The following SPATA17 variants were observed in gnomAD, a reference collection of about 807,000 sequenced individuals.
SPATA17 encodes spermatogenesis-associated protein 17.
SPATA17 carries 53 observed loss-of-function variants against 62.2 expected under a neutral mutation model. The ratio of observed to expected loss-of-function variants is 0.85; its 90% confidence interval spans 0.68 to 1.07. The LOEUF (loss-of-function observed/expected upper bound fraction) is 1.07, where lower values mean the gene tolerates loss of function less well. SPATA17 is among the 50% of genes least tolerant of loss of function. SPATA17 has a pLI of 0.00. For synonymous variants in SPATA17, 146 were observed against 146.8 expected (o/e 0.99, Z 0.04); for missense variants, 466 against 425.5 (o/e 1.10, Z -0.84).
In SPATA17 at chr1:217,803,650, A is replaced by G. The variant is rs910505109; in HGVS notation, c.1005+1800A>G. 2.6e-5 allele frequency among the ~76,000 whole-genome samples: 4 copies of G among 152,236 alleles called. No individual in the cohort carries two copies. In the South Asian group the frequency reaches 6.2e-4, roughly 24 times the overall value. ...AAAATTTAATATTGTTAAAATGTCC[A>G]TATAAACAAAGTGATCAACTGAGTC... On this transcript the variant is annotated intron_variant, in intron 9 of 10. Transcript: ENST00000366933.
At chr1:217,826,429 C>G (rs1305700951) in intron 9 of SPATA17, among the ~76,000 whole-genome samples, 1 of 152,004 alleles carries the variant, frequency 6.6e-6, no homozygotes, top group Non-Finnish European at 1.5e-5. Context: ...TGTAAAGATT[C>G]TTGAACATTT....
chr1:217,798,082 T>G (rs1159363157), intron 8 of SPATA17, among the ~76,000 whole-genome samples: 1 of 152,160 alleles, frequency 6.6e-6, no homozygotes, highest in Non-Finnish European at 1.5e-5. Flanking sequence ...GTGCTAAAAT[T>G]TTGCTATAAG....
At chr1:217,714,488 CTTT>C (rs750665329) in intron 5 of SPATA17, among the ~76,000 whole-genome samples, 3 of 121,416 alleles carry the variant, frequency 2.5e-5, no homozygotes, top group Non-Finnish European at 3.4e-5. Context: ...AAACGTGTTT[CTTT>C]TTTTTTTTTT....
chr1:217,648,797 A>C, intron 1 of SPATA17, 85 bp from the exon 2 acceptor site: 1 of 699,950 alleles, frequency 1.4e-6, no homozygotes, highest in East Asian at 2.8e-5. Flanking sequence ...ATCTTGGAAG[A>C]AATTAAAAAT....
At chr1:217,633,438 A>C (rs982201972) in intron 1 of SPATA17, among the ~76,000 whole-genome samples, 2 of 151,826 alleles carry the variant, frequency 1.3e-5, no homozygotes, top group African/African-American at 2.4e-5. Flanking sequence ...GAAAAGCCTG[A>C]TGAAGTGCCA....
intron 8 of SPATA17, among the ~76,000 whole-genome samples, chr1:217,792,140 G>C (rs1054373566): frequency 6.6e-6 from 1 of 152,106 alleles, no homozygotes; most frequent in Non-Finnish European, 1.5e-5. Context: ...GGCTGCATGT[G>C]GCCCACGGCG....
At chr1:217,792,566 T>G (rs1216022362) in intron 8 of SPATA17, among the ~76,000 whole-genome samples, 1 of 152,150 alleles carries the variant, frequency 6.6e-6, no homozygotes, top group African/African-American at 2.4e-5. Context: ...AATATAACCT[T>G]CCAGCTCTAG....
chr1:217,749,689 T>G (rs1672853802), intron 6 of SPATA17, among the ~76,000 whole-genome samples: 2 of 152,104 alleles, frequency 1.3e-5, no homozygotes, highest in Admixed American at 6.6e-5. Flanking sequence ...CTTTTGCCCT[T>G]TAACCCAATA....
rs1286542880 is a variant in SPATA17 at position 217,868,653 on chromosome 1, T to A, written c.*1634T>A. ...TGAATGCATTGTAAACCAGAAAGTA[T>A]CTGAGACAATGTTTTTTTTTTTTTT... is the stretch of plus-strand genomic sequence containing the variant. On this transcript the variant is annotated 3_prime_UTR_variant, in exon 11 of 11. Transcript: ENST00000366933. 6.8e-6 allele frequency: 1 copy of A among 148,118 alleles called. No homozygotes were observed. Among genetic ancestry groups the A allele is most frequent in the Non-Finnish European group, 1.5e-5 (1 of 67,496 alleles). The allele number at this position is 148,118 out of a possible 1,614,324, so 9.2% of individuals were successfully genotyped here.
intron 1 of SPATA17, among the ~76,000 whole-genome samples, chr1:217,634,604 C>A (rs887203814): frequency 6.6e-6 from 1 of 152,182 alleles, no homozygotes; most frequent in Non-Finnish European, 1.5e-5. Flanking sequence ...TAGCCTCCAG[C>A]TGCGTGACTC....
At chr1:217,740,276 CATA>C (rs1473155909) in intron 5 of SPATA17, among the ~76,000 whole-genome samples, 6 of 151,636 alleles carry the variant, frequency 4.0e-5, no homozygotes, top group Admixed American at 3.9e-4. Flanking sequence ...TTATATTTAG[CATA>C]ATATGAAATT....
chr1:217,677,558 C>A (rs1426378255), intron 4 of SPATA17, among the ~76,000 whole-genome samples: 1 of 151,906 alleles, frequency 6.6e-6, no homozygotes, highest in African/African-American at 2.4e-5. Flanking sequence ...GAATGAATAA[C>A]AGTTTTATTC....
At chr1:217,783,916 C>G (rs1027885558) in intron 8 of SPATA17, among the ~76,000 whole-genome samples, 1 of 152,006 alleles carries the variant, frequency 6.6e-6, no homozygotes, top group Non-Finnish European at 1.5e-5. Flanking sequence ...TGCTCTGAGG[C>G]TTTCCGAGAT....
At chr1:217,635,545 A>G (rs528891414) in intron 1 of SPATA17, among the ~76,000 whole-genome samples, 1 of 152,088 alleles carries the variant, frequency 6.6e-6, no homozygotes, top group East Asian at 1.9e-4. Flanking sequence ...CGCTACTAAA[A>G]ATACAAAAAT....
intron 1 of SPATA17, among the ~76,000 whole-genome samples, chr1:217,642,306 AATTT>A (rs1311437872): frequency 6.6e-6 from 1 of 152,110 alleles, no homozygotes; most frequent in African/African-American, 2.4e-5. Flanking sequence ...TCAAACTTAA[AATTT>A]ATTTATTTAT....
chr1:217,669,937 C>T (rs553993674), intron 4 of SPATA17, among the ~76,000 whole-genome samples: 31 of 152,142 alleles, frequency 2.0e-4, no homozygotes, highest in African/African-American at 7.5e-4. Context: ...CTAGCCAGCT[C>T]ACTCTAGTAT....
intron 5 of SPATA17, among the ~76,000 whole-genome samples, chr1:217,686,140 C>A (rs571691129): frequency 6.6e-6 from 1 of 152,120 alleles, no homozygotes; most frequent in Admixed American, 6.6e-5. Context: ...TTGCAATTGT[C>A]AGATCCTAGT....
intron 5 of SPATA17, among the ~76,000 whole-genome samples, chr1:217,693,182 C>T (rs1043297875): frequency 6.6e-6 from 1 of 151,476 alleles, no homozygotes; most frequent in Non-Finnish European, 1.5e-5. Context: ...TGTTATTGGT[C>T]TATTCAGAGA....
chr1:217,690,827 T>C (rs1349959137), intron 5 of SPATA17, among the ~76,000 whole-genome samples: 4 of 141,696 alleles, frequency 2.8e-5, no homozygotes, highest in African/African-American at 1.1e-4. Context: ...ACTCATCATT[T>C]TTTATGGCTG....
Sources: allele counts gnomAD v4.1 joint callset (sites outside exome capture counted in the v4.1 genomes callset), GRCh38; gene constraint gnomAD v4.1.1; transcripts MANE v1.5; gene names NCBI Gene and HGNC (gene_info 2026-07-23, HGNC 2026-07-21).